Variants in DLGAP1 observed in about 807,000 individuals in gnomAD.
The protein encoded by DLGAP1 is disks large-associated protein 1.
In DLGAP1, 11 loss-of-function variants were observed where a neutral mutation model predicts 90.8. The observed-to-expected ratio is 0.12, with a 90% CI of 0.08 to 0.20. The LOEUF (loss-of-function observed/expected upper bound fraction) is 0.20. DLGAP1 is among the 10% of genes least tolerant of loss of function. The pLI is 1.00. For synonymous variants in DLGAP1, 558 were observed against 540.7 expected, an observed-to-expected ratio of 1.03 and a Z score of -0.44; for missense variants, 1,050 against 1,333.8, an observed-to-expected ratio of 0.79 and a Z score of 3.31.
At chr18:4,039,424 A>T (rs114077295) in intron 2 of DLGAP1, among the ~76,000 whole-genome samples, 2,442 of 152,276 alleles carry the variant, frequency 0.016, 76 homozygotes, top group African/African-American at 0.056. Context: ...GGTAGGGTGG[A>T]TGTTGCTGAA....
chr18:3,982,478 T>C (rs1331311424), intron 3 of DLGAP1, among the ~76,000 whole-genome samples: 1 of 152,186 alleles, frequency 6.6e-6, no homozygotes, highest in Non-Finnish European at 1.5e-5. Context: ...ATATAGAAAA[T>C]GCATTTGCTT....
chr18:4,304,428 G>C (rs553928680), intron 1 of DLGAP1, among the ~76,000 whole-genome samples: 1 of 152,258 alleles, frequency 6.6e-6, no homozygotes, highest in African/African-American at 2.4e-5. Flanking sequence ...TCATATTAAT[G>C]TTTGCAGTTG....
intron 1 of DLGAP1, among the ~76,000 whole-genome samples, chr18:4,272,660 T>A (rs2079310148): frequency 6.6e-6 from 1 of 152,146 alleles, no homozygotes; most frequent in South Asian, 2.1e-4. Flanking sequence ...AGACACAGAT[T>A]CAACATATAT....
intron 1 of DLGAP1, among the ~76,000 whole-genome samples, chr18:4,439,048 G>A (rs2083466922): frequency 1.3e-5 from 2 of 152,178 alleles, no homozygotes; most frequent in Admixed American, 1.3e-4. Flanking sequence ...TTCCTGCCTT[G>A]ATGTTCCTTT....
chr18:4,160,438 G>C (rs923261925), intron 1 of DLGAP1, among the ~76,000 whole-genome samples: 1 of 152,044 alleles, frequency 6.6e-6, no homozygotes, highest in African/African-American at 2.4e-5. Flanking sequence ...TATAAGAAAA[G>C]CTACAATTTA....
At chr18:3,571,059 G>C (rs994059483) in intron 8 of DLGAP1, among the ~76,000 whole-genome samples, 5 of 151,768 alleles carry the variant, frequency 3.3e-5, no homozygotes, top group African/African-American at 1.2e-4. Context: ...CCTCCACCAA[G>C]TGATAAAAAT....
At chr18:3,892,312 C>T (rs2071490543) in intron 3 of DLGAP1, among the ~76,000 whole-genome samples, 1 of 152,072 alleles carries the variant, frequency 6.6e-6, no homozygotes, top group African/African-American at 2.4e-5. Context: ...TGGGAGGCTC[C>T]CTGACCCGGC....
rs115590936 is a variant in DLGAP1, at chr18:4,425,752, G to A, written c.-267+29254C>T. Among the ~76,000 whole-genome samples, 719 of 152,168 alleles carry A rather than the reference G, an allele frequency of 4.7e-3. 4 individuals are homozygous for A. The highest frequency in any genetic ancestry group is 0.017 in the African/African-American group (686 of 41,510). On this transcript the variant is annotated intron_variant, in intron 1 of 12. Transcript: ENST00000315677. ...AATTTAAACTACAGGATAGACTGAG[G>A]GGAGGTTAGAAAGAAAGAGGACAAC...
At position 3,772,336 on chromosome 18, in the gene DLGAP1, CTCTCTCTCTCTCTTTCTT is replaced by C. The variant is rs1333661500; in HGVS notation, c.1173-29842_1173-29825del. ...TTCCTTCCTTCCTTTCTCTCCTTCT[CTCTCTCTCTCTCTTTCTT>C]TCTTTCTTTCTTTCTTTCTTTCTTT... On this transcript the variant is annotated intron_variant, in intron 5 of 12. Transcript: ENST00000315677. Among the ~76,000 whole-genome samples the C allele has an allele frequency of 3.2e-4, 13 of 41,116 alleles. 1 individual carries two copies. Among genetic ancestry groups the C allele is most frequent in the African/African-American group, 4.9e-4 (5 of 10,144 alleles). 27.0% of individuals were successfully genotyped at this position (41,116 alleles called of 152,430 possible).
intron 10 of DLGAP1, among the ~76,000 whole-genome samples, chr18:3,527,678 C>A (rs942298926): frequency 1.3e-5 from 2 of 151,930 alleles, no homozygotes; most frequent in East Asian, 3.9e-4. Flanking sequence ...GTAGCCTCGA[C>A]CTCCTGGGCT....
chr18:3,982,326 C>T (rs1250838250), intron 3 of DLGAP1, among the ~76,000 whole-genome samples: 1 of 152,166 alleles, frequency 6.6e-6, no homozygotes. Context: ...TCAGCTACTT[C>T]GGCACACTTA....
intron 5 of DLGAP1, among the ~76,000 whole-genome samples, chr18:3,772,384 CTT>C (rs766987879): frequency 0.22 from 4,453 of 20,428 alleles, 547 homozygotes; most frequent in Non-Finnish European, 0.39. Flanking sequence ...TTCTTTCTTT[CTT>C]TCTTTCTTTC....
chr18:3,925,056 G>C (rs1022629508), intron 3 of DLGAP1, among the ~76,000 whole-genome samples: 2 of 152,160 alleles, frequency 1.3e-5, no homozygotes, highest in Non-Finnish European at 1.5e-5. Flanking sequence ...GAGTTCAAGC[G>C]ATTCTCCTGC....
At chr18:4,220,022 C>T (rs1049942759) in intron 1 of DLGAP1, among the ~76,000 whole-genome samples, 1 of 152,124 alleles carries the variant, frequency 6.6e-6, no homozygotes, top group East Asian at 1.9e-4. Context: ...TGAAAGATGA[C>T]ATTGGAATTT....
intron 5 of DLGAP1, among the ~76,000 whole-genome samples, chr18:3,758,544 C>T (rs886122405): frequency 2.6e-5 from 4 of 152,336 alleles, no homozygotes; most frequent in Admixed American, 2.6e-4. Context: ...TGCCTGCGCT[C>T]CAAATGAGTC....
intron 1 of DLGAP1, among the ~76,000 whole-genome samples, chr18:4,182,872 A>G (rs953020627): frequency 6.6e-6 from 1 of 152,198 alleles, no homozygotes; most frequent in African/African-American, 2.4e-5. Context: ...TTGTCTGTCA[A>G]TAGTTGATAA....
intron 2 of DLGAP1, among the ~76,000 whole-genome samples, chr18:4,117,004 C>A (rs1301477511): frequency 1.3e-5 from 2 of 152,130 alleles, no homozygotes; most frequent in Non-Finnish European, 2.9e-5. Flanking sequence ...GGAGACAGGG[C>A]CTTTCAAAGA....
intron 3 of DLGAP1, among the ~76,000 whole-genome samples, chr18:3,894,002 G>T (rs1275560366): frequency 6.6e-6 from 1 of 151,904 alleles, no homozygotes. Context: ...ATGTTTATTG[G>T]CTACTTATAT....
chr18:4,026,943 G>T (rs1202900924), intron 2 of DLGAP1, among the ~76,000 whole-genome samples: 1 of 152,066 alleles, frequency 6.6e-6, no homozygotes, highest in Non-Finnish European at 1.5e-5. Context: ...CCCAAGGGAG[G>T]CTCGGCCTGA....
Sources: allele counts gnomAD v4.1 joint callset (sites outside exome capture counted in the v4.1 genomes callset), GRCh38; gene constraint gnomAD v4.1.1; transcripts MANE v1.5; gene names NCBI Gene and HGNC (gene_info 2026-07-23, HGNC 2026-07-21).